The following INO80D variants were observed in gnomAD, a reference collection of about 807,000 sequenced individuals.
INO80D encodes INO80 complex subunit D.
In INO80D, 21 loss-of-function variants were observed where a neutral mutation model predicts 87.6. The observed-to-expected ratio is 0.24, with a 90% CI of 0.17 to 0.35. The LOEUF is 0.35. Ranked by LOEUF, INO80D falls within the 10% of genes least tolerant of loss-of-function variation. The pLI, the probability that INO80D is intolerant of heterozygous loss-of-function variation, is 1.00. For missense variants in INO80D, 982 were observed against 1,280.7 expected (o/e 0.77, Z 3.56); for synonymous variants, 440 against 491.0 (o/e 0.90, Z 1.37).
At chr2:206,013,865 A>AG (rs1688245135) in intron 8 of INO80D, among the ~76,000 whole-genome samples, 1 of 151,184 alleles carries the variant, frequency 6.6e-6, no homozygotes. Context: ...AAAAAAAAAA[A>AG]AAGCCTATAT....
At chr2:206,022,997 G>C (rs907081509) in intron 6 of INO80D, among the ~76,000 whole-genome samples, 3 of 152,052 alleles carry the variant, frequency 2.0e-5, no homozygotes, top group African/African-American at 7.2e-5. Flanking sequence ...TCAGGAGTTC[G>C]AGACCAGCTT....
chr2:206,079,460 A>C (rs1690215102), intron 1 of INO80D, among the ~76,000 whole-genome samples: 1 of 152,168 alleles, frequency 6.6e-6, no homozygotes. Flanking sequence ...TGACTAGCCC[A>C]AATTTGTCTA....
chr2:206,076,357 T>C (rs1690116280), intron 1 of INO80D, among the ~76,000 whole-genome samples: 1 of 152,230 alleles, frequency 6.6e-6, no homozygotes. Flanking sequence ...CGTTTTTCCA[T>C]GTTATGTACT....
At position 206,056,367 on chromosome 2, in the gene INO80D, G is replaced by A. The variant is rs374973871; in HGVS notation, c.795C>T (p.Pro265=). Residue 265 remains proline (P), a synonymous_variant, in exon 4 of 11, where the codon CCC becomes CCT. Coordinates refer to ENST00000403263, the MANE Select transcript of INO80D (RefSeq NM_017759.5). The part of the protein sequence containing the change: ...ARQLSHKRPL[P]LLPSSRAPTV... Reference sequence around the variant, plus strand: ...TGGGAGCCCTACTGGATGGCAGGAGGGGCAGAGGCCTCTTGTGAGACAACT... The same window carrying A: ...TGGGAGCCCTACTGGATGGCAGGAGAGGCAGAGGCCTCTTGTGAGACAACT... The A allele has an allele frequency of 5.2e-5, 84 of 1,613,922 alleles. 1 individual carries two copies. In the Middle Eastern group the frequency reaches 1.5e-3, roughly 29 times the overall value.
chr2:206,003,950 G>GACGCTGCCGAC lies in INO80D; in HGVS notation c.*417_*418insGTCGGCAGCGT. ...CACACCATTTGCTGTCTCTTATACA[G>GACGCTGCCGAC]GAACTCAATTAATAAGATCATTCTA... On this transcript the variant is annotated 3_prime_UTR_variant, in exon 11 of 11. Transcript: ENST00000403263. 1 of 187,452 alleles carries GACGCTGCCGAC rather than the reference G, an allele frequency of 5.3e-6. No homozygotes were observed. The highest frequency in any genetic ancestry group is 5.5e-5 in the Admixed American group (1 of 18,222). 11.6% of individuals were successfully genotyped at this position (187,452 alleles called of 1,614,324 possible). A position where few individuals can be genotyped will look rare whatever the true frequency, so the allele number is the denominator to read the frequency against.
At chr2:206,037,212 G>A (rs2105848508) in intron 5 of INO80D, among the ~76,000 whole-genome samples, 2 of 152,260 alleles carry the variant, frequency 1.3e-5, no homozygotes, top group East Asian at 3.9e-4. Flanking sequence ...TATAAATACA[G>A]ATATTGTTAT....
At chr2:206,043,491 C>A (rs1300644371) in intron 5 of INO80D, among the ~76,000 whole-genome samples, 1 of 145,830 alleles carries the variant, frequency 6.9e-6, no homozygotes, top group African/African-American at 2.5e-5. Flanking sequence ...ATTTTCATTT[C>A]TTTTCCTTTT....
chr2:205,999,993 A>G lies in INO80D; in HGVS notation c.*4375T>C, dbSNP rs567770531. ...AAAACTCTCCACTCCCGAGAAATAT[A>G]TTTTTTGTCAGGAAAAAAATCCTTG... On this transcript the variant is annotated 3_prime_UTR_variant, in exon 11 of 11. Coordinates refer to ENST00000403263, the MANE Select transcript of INO80D (RefSeq NM_017759.5). 1.3e-5 allele frequency: 2 copies of G among 152,068 alleles called. No individual in the cohort carries two copies. The highest frequency in any genetic ancestry group is 2.9e-5 in the Non-Finnish European group (2 of 68,004). The allele number at this position is 152,068 out of a possible 1,614,324, so 9.4% of individuals were successfully genotyped here.
In INO80D at chr2:206,060,884, TC is replaced by T. The variant is rs1689671991; in HGVS notation, c.218+1914del. Among the ~76,000 whole-genome samples, 5 of 151,894 alleles carry T rather than the reference TC, an allele frequency of 3.3e-5. No individual in the cohort carries two copies. The South Asian group carries it at 1.0e-3, about 32-fold the overall frequency. On this transcript the variant is annotated intron_variant, in intron 3 of 10. Transcript: ENST00000403263. Reference sequence around the variant, plus strand: ...AACTTAGTACTTATTAAGCACAGCTTCTCGAGATAGAAACATGAAAGTCCTT... The same window carrying T: ...AACTTAGTACTTATTAAGCACAGCTTTCGAGATAGAAACATGAAAGTCCTT...
chr2:206,032,028 C>T (rs1380554250), intron 5 of INO80D, among the ~76,000 whole-genome samples: 2 of 152,188 alleles, frequency 1.3e-5, no homozygotes, highest in African/African-American at 2.4e-5. Flanking sequence ...CAGCAGGAAA[C>T]GCTCTGGGAG....
At chr2:206,053,366 G>T (rs1406882894) in intron 4 of INO80D, among the ~76,000 whole-genome samples, 2 of 151,898 alleles carry the variant, frequency 1.3e-5, no homozygotes, top group African/African-American at 4.8e-5. Context: ...TTTAAACCAG[G>T]TTACAAAACA....
At position 206,056,494 on chromosome 2, in the gene INO80D, G is replaced by A. The variant is rs371646344; in HGVS notation, c.668C>T (p.Ala223Val). 4.9e-5 allele frequency: 79 copies of A among 1,613,620 alleles called. No individual in the cohort carries two copies. Among genetic ancestry groups the A allele is most frequent in the Admixed American group, 3.8e-4 (23 of 59,944 alleles). Residue 223 changes from alanine (A) to valine (V), a missense_variant, in exon 4 of 11, where the codon GCG (alanine) becomes GTG (valine). Transcript: ENST00000403263. ...CTTGCAGACTGAACCCTGCGGTGGC[G>A]CTGGAGGTTTTAAAGAAGTAGATAA... ...SPLSTSLKPP[A>V]PPQGSVCKSP...
At chr2:206,059,767 G>A (rs1018769872) in intron 3 of INO80D, among the ~76,000 whole-genome samples, 5 of 152,160 alleles carry the variant, frequency 3.3e-5, no homozygotes, top group Non-Finnish European at 7.3e-5. Flanking sequence ...GTGTGTCTGT[G>A]TGCTTCCCTA....
intron 1 of INO80D, among the ~76,000 whole-genome samples, chr2:206,065,003 C>G (rs1248633306): frequency 6.6e-6 from 1 of 152,008 alleles, no homozygotes; most frequent in African/African-American, 2.4e-5. Flanking sequence ...AATTTAGGTG[C>G]TAAGAAACTG....
At chr2:206,057,065 A>G (rs1689545608) in intron 3 of INO80D, 122 bp from the exon 4 acceptor site, 1 of 950,570 alleles carries the variant, frequency 1.1e-6, no homozygotes. Flanking sequence ...CTTGGCAGCC[A>G]GCAACTTAAC....
rs764650467 is a variant in INO80D at position 206,009,626 on chromosome 2, G to A, written c.1711C>T (p.Leu571Phe). 6.2e-7 allele frequency: 1 copy of A among 1,613,914 alleles called. No individual in the cohort carries two copies. The change falls in exon 9 of 11, where the codon CTC (leucine) becomes TTC (phenylalanine). Residue 571 changes from leucine (L) to phenylalanine (F), a missense_variant. Coordinates refer to ENST00000403263, the MANE Select transcript of INO80D (RefSeq NM_017759.5). ...AGTGAGACGCTGGCGGGCATGCTGA[G>A]GTTCCCTTGGGGGACTGCAGGTGGA... ...PIPPAVPQGN[L>F]SMPASVSLPV...
chr2:206,063,112 G>T, intron 2 of INO80D, 39 bp downstream of exon 2: 2 of 849,316 alleles, frequency 2.4e-6, no homozygotes, highest in Non-Finnish European at 1.9e-6. Flanking sequence ...GATTTAAGTT[G>T]AGAATTTCAC....
intron 1 of INO80D, among the ~76,000 whole-genome samples, chr2:206,067,926 G>A (rs906868013): frequency 6.6e-6 from 1 of 152,040 alleles, no homozygotes; most frequent in Admixed American, 6.6e-5. Flanking sequence ...CTGGGCAACA[G>A]AGGGAAACCC....
rs538923317 is a variant in INO80D, at chr2:206,085,803, C to G, written c.-124+98G>C. ...GTGGGCCGGCGAATCCCCGGCCTCA[C>G]GTAAGCGCGCTCGCCGCCCGCCCAG... On this transcript the variant is annotated intron_variant, in intron 1 of 10. Coordinates refer to ENST00000403263, the MANE Select transcript of INO80D (RefSeq NM_017759.5). This position sits in a 1 kb window ranked among gnomAD's most constrained non-coding sequence, Gnocchi z 4.5. 2 of 151,954 alleles carry G rather than the reference C, an allele frequency of 1.3e-5. No individual in the cohort carries two copies. Among genetic ancestry groups the G allele is most frequent in the African/African-American group, 2.4e-5 (1 of 41,390 alleles). 9.4% of individuals were successfully genotyped at this position (151,954 alleles called of 1,614,324 possible). A position where few individuals can be genotyped will look rare whatever the true frequency, so the allele number is the denominator to read the frequency against.
Sources: gnomAD v4.1 joint callset for allele counts (sites outside exome capture counted in the v4.1 genomes callset) on GRCh38, gnomAD v4.1.1 for gene constraint, Gnocchi (gnomAD v3.1) non-coding constraint, MANE v1.5 for transcripts, NCBI Gene and HGNC (gene_info 2026-07-23, HGNC 2026-07-21) for gene names.